Variants in KCNJ6 observed in about 807,000 individuals in gnomAD.
KCNJ6 encodes potassium inwardly rectifying channel subfamily J member 6.
A neutral mutation model predicts 34.2 loss-of-function variants in KCNJ6; 9 were observed. The observed-to-expected ratio is 0.26, with a 90% CI of 0.16 to 0.46. The LOEUF is 0.46. Among genes scored for constraint, KCNJ6 ranks in the 20% least tolerant of loss-of-function variants. KCNJ6 has a pLI of 1.00. For synonymous variants in KCNJ6, 196 were observed against 207.1 expected (o/e 0.95, Z 0.46); for missense variants, 236 against 531.3 (o/e 0.44, Z 5.46).
At chr21:37,639,557 T>G (rs927273235) in intron 3 of KCNJ6, among the ~76,000 whole-genome samples, 2 of 152,226 alleles carry the variant, frequency 1.3e-5, no homozygotes, top group African/African-American at 4.8e-5. Context: ...TTTAAACTTG[T>G]AAGCCATTTA....
intron 1 of KCNJ6, among the ~76,000 whole-genome samples, chr21:37,849,131 T>A (rs564689132): frequency 7.9e-5 from 12 of 152,194 alleles, no homozygotes; most frequent in Non-Finnish European, 1.6e-4. Flanking sequence ...ACAGAGCCCA[T>A]GCCCGTGGTG....
rs1015850117 is a variant in KCNJ6 at position 37,816,833 on chromosome 21, C to T, written c.25+23825G>A. Among the ~76,000 whole-genome samples, 4 of 152,088 alleles carry T rather than the reference C, an allele frequency of 2.6e-5. No homozygotes were observed. The East Asian group carries it at 5.8e-4, about 22-fold the overall frequency. On this transcript the variant is annotated intron_variant, in intron 2 of 3. Coordinates refer to ENST00000609713, the MANE Select transcript of KCNJ6 (RefSeq NM_002240.5). ...CCTTCCCATCCTGCTTCTCTTAGGC[C>T]GGTCCATAGAGAAGCAAGCCCCCCG...
rs182989385 is a variant in KCNJ6 at position 37,842,349 on chromosome 21, G to A, written c.-27-1640C>T. On this transcript the variant is annotated intron_variant, in intron 1 of 3. Transcript: ENST00000609713. Reference sequence around the variant, plus strand: ...CAGTTTGGCTAACACTTGAAATGATGTCATGGCTTGGGTGTTGTAGTAAGG... The same window carrying A: ...CAGTTTGGCTAACACTTGAAATGATATCATGGCTTGGGTGTTGTAGTAAGG... Among the ~76,000 whole-genome samples the A allele has an allele frequency of 2.6e-5, 4 of 152,306 alleles. No homozygotes were observed. The East Asian group carries it at 5.8e-4, about 22-fold the overall frequency.
intron 2 of KCNJ6, among the ~76,000 whole-genome samples, chr21:37,832,943 A>G (rs2055433608): frequency 6.6e-6 from 1 of 152,086 alleles, no homozygotes; most frequent in South Asian, 2.1e-4. Context: ...ACCTAGAGGT[A>G]GTGGTGGTCC....
Position 37,755,294 on chromosome 21 carries a change from G to GA in KCNJ6, c.26-40164dup, listed in dbSNP as rs1321117746. On this transcript the variant is annotated intron_variant, in intron 2 of 3. Transcript: ENST00000609713. ...TATGTTCAGTGGCAAAATGAAAAAA[G>GA]AAAAAAAAAGAAAAAAACAACTACA... Among the ~76,000 whole-genome samples, 19 of 148,868 alleles carry GA rather than the reference G, an allele frequency of 1.3e-4. No homozygotes were observed. In the East Asian group the frequency reaches 2.0e-3, roughly 16 times the overall value.
intron 2 of KCNJ6, among the ~76,000 whole-genome samples, chr21:37,743,696 G>A (rs1343883307): frequency 6.6e-6 from 1 of 151,796 alleles, no homozygotes; most frequent in Non-Finnish European, 1.5e-5. Context: ...GCAGCCTCCA[G>A]AATTGTGAGA....
intron 3 of KCNJ6, among the ~76,000 whole-genome samples, chr21:37,643,941 A>T (rs536503615): frequency 6.6e-6 from 1 of 152,362 alleles, no homozygotes; most frequent in African/African-American, 2.4e-5. Context: ...TCATTGCAGC[A>T]CTATTCACAA....
intron 2 of KCNJ6, among the ~76,000 whole-genome samples, chr21:37,803,804 A>G (rs147840839): frequency 6.6e-6 from 1 of 152,268 alleles, no homozygotes; most frequent in Non-Finnish European, 1.5e-5. Flanking sequence ...CTCTCTTGGC[A>G]TGACTCCATC....
At chr21:37,834,821 T>C (rs1191719086) in intron 2 of KCNJ6, among the ~76,000 whole-genome samples, 1 of 152,192 alleles carries the variant, frequency 6.6e-6, no homozygotes, top group Non-Finnish European at 1.5e-5. Flanking sequence ...ACAGAGCAGG[T>C]CCTTGACTCT....
In KCNJ6 at chr21:37,619,667, A is replaced by G. The variant is rs1165352930; in HGVS notation, c.*5492T>C. 3 of 152,244 alleles carry G rather than the reference A, an allele frequency of 2.0e-5. No individual in the cohort carries two copies. Among genetic ancestry groups the G allele is most frequent in the Non-Finnish European group, 4.4e-5 (3 of 68,068 alleles). The allele number at this position is 152,244 out of a possible 1,614,324, so 9.4% of individuals were successfully genotyped here. A position where few individuals can be genotyped will look rare whatever the true frequency, so the allele number is the denominator to read the frequency against. Reference sequence around the variant, plus strand: ...GGGCCACCTATTTAACTCTCCTCCAAGAGAGCCTAAGAGAGAAGCCATGTG... The same window carrying G: ...GGGCCACCTATTTAACTCTCCTCCAGGAGAGCCTAAGAGAGAAGCCATGTG... On this transcript the variant is annotated 3_prime_UTR_variant, in exon 4 of 4. Transcript: ENST00000609713.
chr21:37,663,144 G>C (rs1393850337), intron 3 of KCNJ6, among the ~76,000 whole-genome samples: 1 of 152,140 alleles, frequency 6.6e-6, no homozygotes, highest in Non-Finnish European at 1.5e-5. Context: ...TAAAACTCCA[G>C]ATGTTTAAAG....
intron 1 of KCNJ6, among the ~76,000 whole-genome samples, chr21:37,890,598 C>T (rs895911236): frequency 1.3e-5 from 2 of 152,178 alleles, no homozygotes; most frequent in Non-Finnish European, 2.9e-5. Context: ...TACAGCAAAC[C>T]CACTCAAGGT....
chr21:37,689,523 C>T (rs979162450), intron 3 of KCNJ6, among the ~76,000 whole-genome samples: 12 of 152,242 alleles, frequency 7.9e-5, no homozygotes, highest in Middle Eastern at 6.8e-3. Flanking sequence ...CGAACATTCA[C>T]GGCATGACTT....
Position 37,623,121 on chromosome 21 carries a change from A to C in KCNJ6, c.*2038T>G, listed in dbSNP as rs2054295513. ...TCAATGCAAAAAAGGAAATGCTGGC[A>C]AACAGGAAAGGGCTATAGCCAACAG... On this transcript the variant is annotated 3_prime_UTR_variant, in exon 4 of 4. Coordinates refer to ENST00000609713, the MANE Select transcript of KCNJ6 (RefSeq NM_002240.5). 6.6e-6 allele frequency: 1 copy of C among 152,306 alleles called. No individual in the cohort carries two copies. Among genetic ancestry groups the C allele is most frequent in the African/African-American group, 2.4e-5 (1 of 41,470 alleles). The allele number at this position is 152,306 out of a possible 1,614,324, so 9.4% of individuals were successfully genotyped here. A position where few individuals can be genotyped will look rare whatever the true frequency, so the allele number is the denominator to read the frequency against.
Position 37,607,482 on chromosome 21 carries a change from A to ATATATATATATATATATATATATATAT in KCNJ6, c.*17676_*17677insATATATATATATATATATATATATATA. ...CTTAAAGATATATATATATATATAT[A>ATATATATATATATATATATATATATAT]TTTTTTTTTTATTTTAAAAAAATTT... On this transcript the variant is annotated 3_prime_UTR_variant, in exon 4 of 4. Coordinates refer to ENST00000609713, the MANE Select transcript of KCNJ6 (RefSeq NM_002240.5). 6 of 136,756 alleles carry ATATATATATATATATATATATATATAT rather than the reference A, an allele frequency of 4.4e-5. No homozygotes were observed. Among genetic ancestry groups the ATATATATATATATATATATATATATAT allele is most frequent in the Middle Eastern group, 3.5e-3 (1 of 286 alleles). The allele number at this position is 136,756 out of a possible 1,614,324, so 8.5% of individuals were successfully genotyped here.
Position 37,714,103 on chromosome 21 carries a change from A to C in KCNJ6, c.946+108T>G. On this transcript the variant is annotated intron_variant, in intron 3 of 3. Coordinates refer to ENST00000609713, the MANE Select transcript of KCNJ6 (RefSeq NM_002240.5). This position sits in a 1 kb window ranked among gnomAD's most constrained non-coding sequence, Gnocchi z 5.9. Reference sequence around the variant, plus strand: ...GTCATGAAGCAAGGGGATGTTGTCAATATTGAGTGAGGTTCAGTATTCTAG... The same window carrying C: ...GTCATGAAGCAAGGGGATGTTGTCACTATTGAGTGAGGTTCAGTATTCTAG... The C allele has an allele frequency of 5.0e-6, 4 of 801,802 alleles. No homozygotes were observed. In the South Asian group the frequency reaches 6.6e-5, roughly 13 times the overall value. 49.7% of individuals were successfully genotyped at this position (801,802 alleles called of 1,614,324 possible).
intron 3 of KCNJ6, among the ~76,000 whole-genome samples, chr21:37,626,554 A>G (rs1207526139): frequency 2.6e-5 from 4 of 152,214 alleles, no homozygotes; most frequent in Admixed American, 1.3e-4. Context: ...TGGCAGAATG[A>G]GGAAAAGTCC....
At chr21:37,680,891 C>A (rs1305024950) in intron 3 of KCNJ6, among the ~76,000 whole-genome samples, 3 of 152,218 alleles carry the variant, frequency 2.0e-5, no homozygotes, top group Non-Finnish European at 4.4e-5. Flanking sequence ...CTGGAGAACC[C>A]AGACTACATA....
intron 2 of KCNJ6, among the ~76,000 whole-genome samples, chr21:37,779,438 G>C (rs148369592): frequency 2.4e-4 from 37 of 152,240 alleles, no homozygotes; most frequent in African/African-American, 8.7e-4. Context: ...TCAGCCCTTG[G>C]GGGGACCATG....
Sources: allele counts gnomAD v4.1 joint callset (sites outside exome capture counted in the v4.1 genomes callset), GRCh38; gene constraint gnomAD v4.1.1; non-coding constraint Gnocchi (gnomAD v3.1); transcripts MANE v1.5; gene names NCBI Gene and HGNC (gene_info 2026-07-23, HGNC 2026-07-21).